Variants in MARCHF1 observed in about 807,000 individuals in gnomAD.
MARCHF1 encodes the protein membrane associated ring-CH-type finger 1, also known as E3 ubiquitin-protein ligase MARCHF1.
MARCHF1 carries 40 observed loss-of-function variants against 54.2 expected under a neutral mutation model. That is an observed-to-expected ratio of 0.74 (90% CI 0.57 to 0.96). MARCHF1 has a LOEUF of 0.96. Among genes scored for constraint, MARCHF1 ranks in the 40% least tolerant of loss-of-function variants. The pLI is 0.00. For synonymous variants in MARCHF1, 236 were observed against 236.3 expected, an observed-to-expected ratio of 1.00 and a Z score of 0.01; for missense variants, 586 against 656.5, an observed-to-expected ratio of 0.89 and a Z score of 1.17.
rs947307314 is a variant in MARCHF1, at chr4:163,586,867, T to G, written c.1011-938A>C. Among the ~76,000 whole-genome samples the G allele has an allele frequency of 3.3e-5, 5 of 152,304 alleles. No individual in the cohort carries two copies. In the East Asian group the frequency reaches 9.6e-4, roughly 29 times the overall value. On this transcript the variant is annotated intron_variant, in intron 7 of 9. Coordinates refer to ENST00000514618, the MANE Select transcript of MARCHF1 (RefSeq NM_001394959.1). Reference sequence around the variant, plus strand: ...TTTAAAGTATAATGAAGGAATAAAGTTAATACAAGAAGTCTTAGCTTGAAA... The same window carrying G: ...TTTAAAGTATAATGAAGGAATAAAGGTAATACAAGAAGTCTTAGCTTGAAA...
chr4:163,684,963 T>C (rs1164398400), intron 5 of MARCHF1, among the ~76,000 whole-genome samples: 4 of 152,246 alleles, frequency 2.6e-5, no homozygotes, highest in African/African-American at 4.8e-5. Flanking sequence ...AGCTGCACAC[T>C]AAAGTACACC....
chr4:164,165,325 G>C (rs2110955705), intron 1 of MARCHF1, among the ~76,000 whole-genome samples: 1 of 151,332 alleles, frequency 6.6e-6, no homozygotes, highest in South Asian at 2.1e-4. Context: ...AAAAATTAAT[G>C]TTTTTATAGG....
At chr4:164,256,412 A>G (rs1268995104) in intron 1 of MARCHF1, among the ~76,000 whole-genome samples, 2 of 147,170 alleles carry the variant, frequency 1.4e-5, no homozygotes, top group African/African-American at 5.0e-5. Context: ...AATGTGAACT[A>G]ACTTGTAGCA....
At chr4:164,374,921 T>C (rs1048428501) in intron 1 of MARCHF1, among the ~76,000 whole-genome samples, 1 of 152,188 alleles carries the variant, frequency 6.6e-6, no homozygotes, top group African/African-American at 2.4e-5. Context: ...GAACTTATTG[T>C]ATATATTATG....
chr4:163,973,947 G>T (rs188737725), intron 3 of MARCHF1, among the ~76,000 whole-genome samples: 2 of 152,160 alleles, frequency 1.3e-5, no homozygotes, highest in African/African-American at 4.8e-5. Flanking sequence ...GAAAAAATAA[G>T]GTAATACAGT....
intron 4 of MARCHF1, among the ~76,000 whole-genome samples, chr4:163,830,246 G>C (rs115124075): frequency 2.5e-4 from 38 of 149,444 alleles, no homozygotes; most frequent in African/African-American, 9.4e-4. Context: ...CTCTTTTTAC[G>C]CTGCTTTTTT....
At chr4:164,324,304 A>C (rs1735217426) in intron 1 of MARCHF1, among the ~76,000 whole-genome samples, 1 of 151,886 alleles carries the variant, frequency 6.6e-6, no homozygotes, top group Non-Finnish European at 1.5e-5. Flanking sequence ...CAACTATTTA[A>C]AAATCAACTA....
intron 1 of MARCHF1, among the ~76,000 whole-genome samples, chr4:164,181,253 C>T (rs1730826484): frequency 6.6e-6 from 1 of 152,240 alleles, no homozygotes; most frequent in Admixed American, 6.5e-5. Flanking sequence ...CTCCCACTCT[C>T]CCTTCAATGT....
intron 8 of MARCHF1, among the ~76,000 whole-genome samples, chr4:163,574,336 A>G (rs1739960734): frequency 6.6e-6 from 1 of 151,862 alleles, no homozygotes; most frequent in African/African-American, 2.4e-5. Context: ...CCATTTGTCA[A>G]TTTTGGCTTT....
intron 2 of MARCHF1, among the ~76,000 whole-genome samples, chr4:163,996,099 ATAGT>A (rs569177075): frequency 2.6e-4 from 40 of 152,098 alleles, no homozygotes; most frequent in African/African-American, 8.7e-4. Flanking sequence ...TACTGAAGGA[ATAGT>A]TAAGTTTGAG....
intron 5 of MARCHF1, among the ~76,000 whole-genome samples, chr4:163,635,750 C>A (rs1742293914): frequency 6.6e-6 from 1 of 152,026 alleles, no homozygotes; most frequent in African/African-American, 2.4e-5. Context: ...TTCATGAGGC[C>A]AGCATCATTC....
intron 1 of MARCHF1, among the ~76,000 whole-genome samples, chr4:164,168,238 G>A (rs971867251): frequency 2.0e-5 from 3 of 149,146 alleles, no homozygotes; most frequent in African/African-American, 7.7e-5. Flanking sequence ...CCTCACACCT[G>A]TAAGAACAGC....
intron 9 of MARCHF1, among the ~76,000 whole-genome samples, chr4:163,532,925 A>G (rs1423712273): frequency 6.6e-6 from 1 of 151,994 alleles, no homozygotes; most frequent in South Asian, 2.1e-4. Flanking sequence ...TAGGTATGCA[A>G]AATGGTACAG....
At chr4:164,155,658 A>C (rs1730057621) in intron 1 of MARCHF1, among the ~76,000 whole-genome samples, 1 of 152,156 alleles carries the variant, frequency 6.6e-6, no homozygotes, top group Non-Finnish European at 1.5e-5. Flanking sequence ...GGATGGAATA[A>C]TAGATGTGGA....
At chr4:164,256,432 T>TAAAAAAAAAAAAAAAAAAAAAAAAA (rs11345775) in intron 1 of MARCHF1, among the ~76,000 whole-genome samples, 1 of 121,858 alleles carries the variant, frequency 8.2e-6, no homozygotes, top group African/African-American at 3.1e-5. Flanking sequence ...ACAAGAAGCT[T>TAAAAAAAAAAAAAAAAAAAAAAAAA]AAAAAAAAAA....
intron 2 of MARCHF1, among the ~76,000 whole-genome samples, chr4:164,066,666 A>T (rs1480935731): frequency 6.6e-6 from 1 of 152,222 alleles, no homozygotes; most frequent in South Asian, 2.1e-4. Flanking sequence ...GTACAAATAC[A>T]CCATGAAATA....
chr4:163,829,605 C>G (rs1748960279), intron 4 of MARCHF1, among the ~76,000 whole-genome samples: 1 of 152,236 alleles, frequency 6.6e-6, no homozygotes, highest in South Asian at 2.1e-4. Flanking sequence ...TGCACGCAGG[C>G]TCAGGGTAAA....
chr4:163,748,407 A>G (rs1160444981), intron 4 of MARCHF1, among the ~76,000 whole-genome samples: 3 of 49,018 alleles, frequency 6.1e-5, no homozygotes, highest in African/African-American at 2.7e-4. Flanking sequence ...AATTTCTACC[A>G]AAAAAAAAAA....
chr4:164,152,788 T>C (rs893745129), intron 1 of MARCHF1, among the ~76,000 whole-genome samples: 2 of 152,204 alleles, frequency 1.3e-5, no homozygotes, highest in African/African-American at 4.8e-5. Flanking sequence ...ATGTTTACCC[T>C]GAACATTCCT....
Sources: allele counts gnomAD v4.1 joint callset (sites outside exome capture counted in the v4.1 genomes callset), GRCh38; gene constraint gnomAD v4.1.1; transcripts MANE v1.5; gene names NCBI Gene and HGNC (gene_info 2026-07-23, HGNC 2026-07-21).